The following ZNF233 variants were observed in gnomAD, a reference collection of about 807,000 sequenced individuals.
ZNF233 encodes the protein zinc finger protein 233.
A neutral mutation model predicts 11.6 loss-of-function variants in ZNF233; 7 were observed. The ratio of observed to expected loss-of-function variants is 0.60; its 90% CI spans 0.34 to 1.13. ZNF233 has a LOEUF of 1.13. Ranked by LOEUF, ZNF233 falls within the 50% of genes most tolerant of loss-of-function variation. The probability of loss-of-function intolerance (pLI) is 0.03; values close to 1 mark genes in which losing one functional copy is unlikely to be tolerated. For missense variants in ZNF233, 711 were observed against 785.5 expected (o/e 0.91, Z 1.13); for synonymous variants, 226 against 268.5 (o/e 0.84, Z 1.55).
chr19:44,273,150 G>C lies in ZNF233; in HGVS notation c.490G>C (p.Glu164Gln), dbSNP rs759556513. The C allele has an allele frequency of 6.8e-6, 11 of 1,613,986 alleles. No homozygotes were observed. Among genetic ancestry groups the C allele is most frequent in the East Asian group, 2.2e-5 (1 of 44,878 alleles). ...GAACTATGTAATAAAGCTACAAGGGGAGAGTTCAAATAGCATAAAAAATCA... is the reference window on the plus strand; with the variant it reads ...GAACTATGTAATAAAGCTACAAGGGCAGAGTTCAAATAGCATAAAAAATCA... ...DENYVIKLQGESSNSIKNQEL... is the reference protein window; with the variant it reads ...DENYVIKLQGQSSNSIKNQEL... Residue 164 changes from glutamate to glutamine, a missense_variant, in exon 5 of 5, where the codon GAG becomes CAG. Glu to Gln is a conservative substitution (Grantham distance 29, BLOSUM62 2). Coordinates refer to ENST00000683810, the MANE Select transcript of ZNF233 (RefSeq NM_001207005.2).
At chr19:44,272,751 GAAA>G in intron 4 of ZNF233, 145 bp from the exon 5 acceptor site, 1 of 586,726 alleles carries the variant, frequency 1.7e-6, no homozygotes, top group Non-Finnish European at 2.8e-6. Flanking sequence ...CAAAAAAAGA[GAAA>G]AAAAAACAAT....
chr19:44,262,450 G>A (rs1448823007), intron 1 of ZNF233, among the ~76,000 whole-genome samples: 1 of 152,316 alleles, frequency 6.6e-6, no homozygotes, highest in East Asian at 1.9e-4. Context: ...GCTGAGCCAG[G>A]CACCCCAAAC....
chr19:44,263,807 GCAA>G (rs1345399058), intron 1 of ZNF233, among the ~76,000 whole-genome samples: 2 of 152,216 alleles, frequency 1.3e-5, no homozygotes, highest in Non-Finnish European at 2.9e-5. Flanking sequence ...AAAGACATTT[GCAA>G]CAACAATTTT....
At chr19:44,267,700 C>T (rs565780722) in intron 4 of ZNF233, 147 of 313,612 alleles carry the variant, frequency 4.7e-4, no homozygotes, top group African/African-American at 2.9e-3. Context: ...TTTCTTTCTA[C>T]CTGAAGCCTT....
At chr19:44,269,636 T>G (rs1239685851) in intron 4 of ZNF233, among the ~76,000 whole-genome samples, 2 of 152,102 alleles carry the variant, frequency 1.3e-5, no homozygotes, top group African/African-American at 4.8e-5. Flanking sequence ...AATTTTTTAT[T>G]GAAATATATA....
intron 1 of ZNF233, 63 bp downstream of exon 1, chr19:44,260,001 A>T: frequency 2.3e-6 from 1 of 439,334 alleles, no homozygotes; most frequent in Non-Finnish European, 4.6e-6. Flanking sequence ...TTGGACTCGC[A>T]GGTGCCTGCC....
chr19:44,268,383 T>G (rs1707407101), intron 4 of ZNF233, among the ~76,000 whole-genome samples: 1 of 152,142 alleles, frequency 6.6e-6, no homozygotes, highest in Non-Finnish European at 1.5e-5. Flanking sequence ...GGGGTCTGGC[T>G]TTTTCACCTA....
chr19:44,266,246 C>A lies in ZNF233; in HGVS notation c.64C>A (p.Leu22Met). 1.2e-6 allele frequency: 2 copies of A among 1,612,562 alleles called. No homozygotes were observed. Among genetic ancestry groups the A allele is most frequent in the Non-Finnish European group, 1.7e-6 (2 of 1,179,128 alleles). ...DVAVVFTREE[L>M]GLLDLAQRKL... is the part of the protein sequence containing the mutation. ...GGCTGTGGTCTTCACCAGGGAGGAG[C>A]TGGGGTTGCTGGACCTTGCCCAGAG... The change falls in exon 3 of 5, where the codon CTG becomes ATG. Residue 22 changes from leucine to methionine, a missense_variant. Physicochemically the swap from Leu to Met is conservative, Grantham distance 15. Transcript: ENST00000683810.
chr19:44,265,087 T>G (rs1465612319), intron 2 of ZNF233, among the ~76,000 whole-genome samples: 1 of 152,066 alleles, frequency 6.6e-6, no homozygotes, highest in Non-Finnish European at 1.5e-5. Flanking sequence ...GTCCCTCCTG[T>G]CTCTTTCAAG....
Position 44,274,365 on chromosome 19 carries a change from T to C in ZNF233, c.1705T>C (p.Cys569Arg), listed in dbSNP as rs1323596302. The C allele has an allele frequency of 2.5e-6, 4 of 1,613,930 alleles. No homozygotes were observed. Among genetic ancestry groups the C allele is most frequent in the Non-Finnish European group, 3.4e-6 (4 of 1,180,006 alleles). Reference sequence around the variant, plus strand: ...AGAGAATCCCTACAAATGTGATGTGTGTGGGAAAGGCTTCAGTTGGAGTTC... The same window carrying C: ...AGAGAATCCCTACAAATGTGATGTGCGTGGGAAAGGCTTCAGTTGGAGTTC... ...TGENPYKCDV[C>R]GKGFSWSSHL... The change falls in exon 5 of 5, where the codon TGT (cysteine) becomes CGT (arginine). Residue 569 changes from cysteine (C) to arginine (R), a missense_variant. Transcript: ENST00000683810.
chr19:44,273,984 C>T lies in ZNF233; in HGVS notation c.1324C>T (p.His442Tyr). ...GATATTTAATAGGAATTCTGGTCTT[C>T]ACCAGAGAGTTCACACTGGAGAGAA... ...DRIFNRNSGLHQRVHTGEKPY... is the reference protein window; with the variant it reads ...DRIFNRNSGLYQRVHTGEKPY... Residue 442 changes from histidine (H) to tyrosine (Y), a missense_variant, in exon 5 of 5, where the codon CAC becomes TAC. Transcript: ENST00000683810. The T allele has an allele frequency of 6.2e-7, 1 of 1,613,536 alleles. No individual in the cohort carries two copies. Among genetic ancestry groups the T allele is most frequent in the Non-Finnish European group, 8.5e-7 (1 of 1,179,642 alleles).
rs1975296591 is a variant in ZNF233 at position 44,273,357 on chromosome 19, G to A, written c.697G>A (p.Ala233Thr). The A allele has an allele frequency of 1.9e-6, 3 of 1,613,998 alleles. No homozygotes were observed. Among genetic ancestry groups the A allele is most frequent in the African/African-American group, 1.3e-5 (1 of 74,874 alleles). Residue 233 changes from alanine to threonine, a missense_variant, in exon 5 of 5, where the codon GCT becomes ACT. Coordinates refer to ENST00000683810, the MANE Select transcript of ZNF233 (RefSeq NM_001207005.2). ...DDHGVHKREK[A>T]FSHNNCGKDC... ...TCATGGAGTACACAAAAGAGAGAAA[G>A]CTTTTAGCCACAATAATTGTGGAAA...
intron 4 of ZNF233, among the ~76,000 whole-genome samples, chr19:44,272,268 T>C (rs946386364): frequency 4.8e-5 from 7 of 146,368 alleles, no homozygotes; most frequent in African/African-American, 1.8e-4. Flanking sequence ...CCATGGCAGA[T>C]GTATAAAATC....
chr19:44,271,177 G>A (rs1975228509), intron 4 of ZNF233, among the ~76,000 whole-genome samples: 1 of 152,248 alleles, frequency 6.6e-6, no homozygotes, highest in Admixed American at 6.5e-5. Flanking sequence ...AAAAGAAGGA[G>A]AATTCTCTCA....
rs1297193939 is a variant in ZNF233 at position 44,266,928 on chromosome 19, A to T, written c.205A>T (p.Met69Leu). The T allele has an allele frequency of 1.2e-6, 2 of 1,614,062 alleles. No homozygotes were observed. Among genetic ancestry groups the T allele is most frequent in the South Asian group, 1.1e-5 (1 of 91,064 alleles). ...GGGAAAAGAAGACAAGCTTCGGATG[A>T]TGGAGACAGAAATCCAAGGAGATGG... ...QLGKEDKLRMMETEIQGDGCS... is the reference protein window; with the variant it reads ...QLGKEDKLRMLETEIQGDGCS... Residue 69 changes from methionine to leucine, a missense_variant, in exon 4 of 5, where the codon ATG becomes TTG. By Grantham distance (15) the Met-to-Leu change is conservative. Coordinates refer to ENST00000683810, the MANE Select transcript of ZNF233 (RefSeq NM_001207005.2).
Position 44,273,346 on chromosome 19 carries a change from A to G in ZNF233, c.686A>G (p.Lys229Arg), listed in dbSNP as rs1481282970. ...AHQHDDHGVHKREKAFSHNNC... is the reference protein window; with the variant it reads ...AHQHDDHGVHRREKAFSHNNC... ...CAACATGATGATCATGGAGTACACA[A>G]AAGAGAGAAAGCTTTTAGCCACAAT... The change falls in exon 5 of 5, where the codon AAA becomes AGA. Residue 229 changes from lysine (K) to arginine (R), a missense_variant. By Grantham distance (26) the Lys-to-Arg change is conservative. Transcript: ENST00000683810. The G allele has an allele frequency of 6.2e-7, 1 of 1,614,190 alleles. No homozygotes were observed. The highest frequency in any genetic ancestry group is 1.7e-5 in the Admixed American group (1 of 60,022).
In ZNF233 at chr19:44,273,215, A is replaced by T. The variant is rs1227111815; in HGVS notation, c.555A>T (p.Lys185Asn). The change falls in exon 5 of 5, where the codon AAA (lysine) becomes AAT (asparagine). Residue 185 changes from lysine to asparagine, a missense_variant. Coordinates refer to ENST00000683810, the MANE Select transcript of ZNF233 (RefSeq NM_001207005.2). ...PLRTTWDFWR[K>N]MYLREPQNYQ... Reference sequence around the variant, plus strand: ...GGACCACCTGGGATTTCTGGAGGAAAATGTATCTGAGAGAACCACAGAATT... The same window carrying T: ...GGACCACCTGGGATTTCTGGAGGAATATGTATCTGAGAGAACCACAGAATT... 6.2e-7 allele frequency: 1 copy of T among 1,613,664 alleles called. No individual in the cohort carries two copies. The highest frequency in any genetic ancestry group is 8.5e-7 in the Non-Finnish European group (1 of 1,180,038).
chr19:44,261,411 G>C (rs1435769132), intron 1 of ZNF233, among the ~76,000 whole-genome samples: 8 of 152,052 alleles, frequency 5.3e-5, no homozygotes, highest in Non-Finnish European at 1.2e-4. Context: ...CTGGGCAAGA[G>C]AGTGAGAGTC....
At chr19:44,268,367 G>A (rs1034338078) in intron 4 of ZNF233, among the ~76,000 whole-genome samples, 1 of 151,832 alleles carries the variant, frequency 6.6e-6, no homozygotes, top group Non-Finnish European at 1.5e-5. Context: ...TCTTTTCTTA[G>A]AGATGGGGGT....
Sources: allele counts gnomAD v4.1 joint callset (sites outside exome capture counted in the v4.1 genomes callset), GRCh38; gene constraint gnomAD v4.1.1; transcripts MANE v1.5; gene names NCBI Gene and HGNC (gene_info 2026-07-23, HGNC 2026-07-21).